Variants in TRMT10A observed in about 807,000 individuals in gnomAD.
TRMT10A encodes the protein tRNA methyltransferase 10 homolog A.
In TRMT10A, 37 loss-of-function variants were observed where a neutral mutation model predicts 40.4. The ratio of observed to expected loss-of-function variants is 0.92; its 90% CI spans 0.71 to 1.21. TRMT10A has a LOEUF of 1.21. Ranked by LOEUF, TRMT10A falls within the 50% of genes most tolerant of loss-of-function variation. TRMT10A has a pLI of 0.00. For missense variants in TRMT10A, 388 were observed against 404.3 expected (o/e 0.96, Z 0.35); for synonymous variants, 103 against 134.1 (o/e 0.77, Z 1.60).
chr4:99,550,851 C>A (rs576484676), intron 7 of TRMT10A, 34 bp downstream of exon 7: 1 of 1,428,294 alleles, frequency 7.0e-7, no homozygotes, highest in African/African-American at 1.4e-5. Context: ...AATGTTCGCT[C>A]AGGTATATTT....
In TRMT10A at chr4:99,558,166, T is replaced by A; in HGVS notation, c.231A>T (p.Gln77His). The A allele has an allele frequency of 6.2e-7, 1 of 1,601,660 alleles. No individual in the cohort carries two copies. ...EKRKRKKLER[Q>H]CQMEPNSDGH... is the part of the protein sequence containing the mutation. ...CATCTGAGTTTGGTTCCATTTGACA[T>A]TGTCGCTCTAATTTTTTCCTCTTGC... Residue 77 changes from glutamine to histidine, a missense_variant, in exon 3 of 8, where the codon CAA becomes CAT. By Grantham distance (24) the Gln-to-His change is conservative (BLOSUM62 0). Coordinates refer to ENST00000394876, the MANE Select transcript of TRMT10A (RefSeq NM_001134665.3).
At chr4:99,563,707 A>T (rs929289214) in intron 1 of TRMT10A, 2 of 374,492 alleles carry the variant, frequency 5.3e-6, no homozygotes, top group Non-Finnish European at 1.0e-5. Flanking sequence ...CTGGCGAACC[A>T]GGGAGCAGCT....
chr4:99,554,722 CAAAA>C (rs532448105), intron 5 of TRMT10A, among the ~76,000 whole-genome samples: 118 of 90,868 alleles, frequency 1.3e-3, no homozygotes, highest in African/African-American at 4.5e-3. Flanking sequence ...GACTACGTTT[CAAAA>C]AAAAAAAAAA....
At chr4:99,558,316 T>A (rs115800975) in intron 2 of TRMT10A, 105 bp from the exon 3 acceptor site, 2 of 1,042,076 alleles carry the variant, frequency 1.9e-6, no homozygotes, top group Non-Finnish European at 2.7e-6. Context: ...TTAAATCATA[T>A]GAAATTGTCA....
chr4:99,559,478 A>G (rs1724299049), intron 1 of TRMT10A, 117 bp from the exon 2 acceptor site: 1 of 662,250 alleles, frequency 1.5e-6, no homozygotes, highest in South Asian at 2.6e-5. Flanking sequence ...AATAAATGTC[A>G]TTTAATTGTA....
chr4:99,553,417 A>G (rs1209200839), intron 6 of TRMT10A, among the ~76,000 whole-genome samples: 3 of 152,216 alleles, frequency 2.0e-5, no homozygotes, highest in Non-Finnish European at 2.9e-5. Context: ...TGGCTTAGCA[A>G]TTGATTAGCA....
At chr4:99,551,068 A>G (rs1005386607) in intron 6 of TRMT10A, 78 bp from the exon 7 acceptor site, 2 of 1,034,448 alleles carry the variant, frequency 1.9e-6, no homozygotes, top group Admixed American at 2.7e-5. Flanking sequence ...TAATTTTTAG[A>G]TAAGATTTAT....
Position 99,556,171 on chromosome 4 carries a change from T to C in TRMT10A, c.470A>G (p.Asn157Ser). ...GGQLKKNMDE[N>S]DKGWVNWKDI... ...CTTCCAGTTGACCCATCCTTTGTCA[T>C]TTTCATCCATGTTCTTTTTCAGCTG... The change falls in exon 5 of 8, where the codon AAT (asparagine) becomes AGT (serine). Residue 157 changes from asparagine (N) to serine (S), a missense_variant. By Grantham distance (46) the Asn-to-Ser change is conservative. Transcript: ENST00000394876. The C allele has an allele frequency of 1.2e-6, 2 of 1,613,662 alleles. No individual in the cohort carries two copies. The highest frequency in any genetic ancestry group is 1.7e-6 in the Non-Finnish European group (2 of 1,179,732).
intron 5 of TRMT10A, among the ~76,000 whole-genome samples, chr4:99,555,318 A>C (rs999636772): frequency 1.3e-5 from 2 of 152,202 alleles, no homozygotes; most frequent in Non-Finnish European, 2.9e-5. Flanking sequence ...TGTGAAAGGG[A>C]AAGTGTGTCA....
intron 1 of TRMT10A, among the ~76,000 whole-genome samples, chr4:99,562,971 G>A (rs1451229069): frequency 1.3e-5 from 2 of 152,020 alleles, no homozygotes; most frequent in African/African-American, 4.8e-5. Flanking sequence ...ACTGGCATGC[G>A]CCACCACGCC....
intron 2 of TRMT10A, 75 bp from the exon 3 acceptor site, chr4:99,558,286 T>C (rs1724250543): frequency 7.9e-7 from 1 of 1,271,908 alleles, no homozygotes. Context: ...AATAAACAAT[T>C]CCTTTTAAAA....
Position 99,549,226 on chromosome 4 carries a change from AGACT to A in TRMT10A, c.878_881del (p.Gln293LeufsTer23), listed in dbSNP as rs776208815. 6.2e-7 allele frequency: 1 copy of A among 1,614,140 alleles called. No individual in the cohort carries two copies. The highest frequency in any genetic ancestry group is 2.2e-5 in the East Asian group (1 of 44,874). On this transcript the variant is annotated frameshift_variant, in exon 8 of 8. Transcript: ENST00000394876. LOFTEE classifies it low-confidence loss of function (END_TRUNC). Reference sequence around the variant, plus strand: ...CCGATCCACCTTCCTCCATCCTGACAGACTGATTGTCATGAGAAGCACTTTCACA... The same window carrying A: ...CCGATCCACCTTCCTCCATCCTGACAGATTGTCATGAGAAGCACTTTCACA...
chr4:99,549,405 T>A (rs753906248), intron 7 of TRMT10A, 49 bp from the exon 8 acceptor site: 2 of 1,591,596 alleles, frequency 1.3e-6, no homozygotes, highest in Non-Finnish European at 1.7e-6. Flanking sequence ...TTCATCACAA[T>A]GCTGCACAAT....
At chr4:99,558,596 A>G (rs1242732735) in intron 2 of TRMT10A, among the ~76,000 whole-genome samples, 1 of 152,136 alleles carries the variant, frequency 6.6e-6, no homozygotes, top group Non-Finnish European at 1.5e-5. Context: ...AAAGCAAAAT[A>G]AAATTGTTCA....
At chr4:99,557,552 A>G in intron 3 of TRMT10A, 136 bp from the exon 4 acceptor site, 1 of 650,138 alleles carries the variant, frequency 1.5e-6, no homozygotes, top group Non-Finnish European at 2.5e-6. Flanking sequence ...ATGCATTCTG[A>G]TAAATGTTAT....
At chr4:99,551,803 A>G (rs1208841765) in intron 6 of TRMT10A, among the ~76,000 whole-genome samples, 1 of 152,100 alleles carries the variant, frequency 6.6e-6, no homozygotes, top group Admixed American at 6.5e-5. Flanking sequence ...CAGTGGACTA[A>G]GATGTAGAGG....
rs1560603593 is a variant in TRMT10A at position 99,559,423 on chromosome 4, T to G, written c.-23-62A>C. ...AGTTAAAAAACTCAAATAATCAATA[T>G]GATTAAAGTTAAACCATAAAATAAT... On this transcript the variant is annotated intron_variant, in intron 1 of 7. Transcript: ENST00000394876. 2.8e-6 allele frequency: 3 copies of G among 1,069,886 alleles called. No individual in the cohort carries two copies. The South Asian group carries it at 5.2e-5, about 19-fold the overall frequency. The allele number at this position is 1,069,886 out of a possible 1,614,324, so 66.3% of individuals were successfully genotyped here.
chr4:99,562,205 G>GTGTGTGTGTGTT, intron 1 of TRMT10A, among the ~76,000 whole-genome samples: 1 of 137,908 alleles, frequency 7.3e-6, no homozygotes, highest in South Asian at 2.2e-4. Flanking sequence ...ATATATATGT[G>GTGTGTGTGTGTT]TGTGTGTGTG....
intron 3 of TRMT10A, chr4:99,557,834 GCACACATACTGA>G: frequency 2.0e-6 from 1 of 493,118 alleles, no homozygotes; most frequent in South Asian, 3.1e-5. Flanking sequence ...TTTCCTGTCT[GCACACATACTGA>G]CACACACACA....
Sources: allele counts gnomAD v4.1 joint callset (sites outside exome capture counted in the v4.1 genomes callset), GRCh38; gene constraint gnomAD v4.1.1; transcripts MANE v1.5; gene names NCBI Gene and HGNC (gene_info 2026-07-23, HGNC 2026-07-21).